Variants in ATRNL1 observed in about 807,000 individuals in gnomAD.
ATRNL1 encodes the protein attractin-like protein 1.
In ATRNL1, 95 loss-of-function variants were observed where a neutral mutation model predicts 182.7. That is an observed-to-expected ratio of 0.52 (90% CI 0.44 to 0.62). ATRNL1 has a LOEUF of 0.62. Among genes scored for constraint, ATRNL1 ranks in the 20% least tolerant of loss-of-function variants. ATRNL1 has a pLI of 0.00. For missense variants in ATRNL1, 1,471 were observed against 1,679.5 expected (o/e 0.88, Z 2.17); for synonymous variants, 576 against 568.3 (o/e 1.01, Z -0.19).
At chr10:115,883,628 A>G (rs1951878019) in intron 28 of ATRNL1, among the ~76,000 whole-genome samples, 1 of 152,254 alleles carries the variant, frequency 6.6e-6, no homozygotes, top group African/African-American at 2.4e-5. Flanking sequence ...CCCAGCCACA[A>G]AAGGGTGTGA....
At position 115,280,712 on chromosome 10, in the gene ATRNL1, C is replaced by T. The variant is rs77827156; in HGVS notation, c.2101-643C>T. Among the ~76,000 whole-genome samples, 1,557 of 152,238 alleles carry T rather than the reference C, an allele frequency of 0.01. 31 individuals are homozygous for T. The East Asian group carries it at 0.11, about 10-fold the overall frequency. On this transcript the variant is annotated intron_variant, in intron 13 of 28. Coordinates refer to ENST00000355044, the MANE Select transcript of ATRNL1 (RefSeq NM_207303.4). Reference sequence around the variant, plus strand: ...GTCTCTTTTGAAAAGACCCAGTCTCCGGGGTGTAGACCATGAAAAGTCTGG... The same window carrying T: ...GTCTCTTTTGAAAAGACCCAGTCTCTGGGGTGTAGACCATGAAAAGTCTGG...
chr10:115,237,956 G>C (rs569870546), intron 9 of ATRNL1, among the ~76,000 whole-genome samples: 17 of 152,254 alleles, frequency 1.1e-4, no homozygotes, highest in African/African-American at 3.9e-4. Flanking sequence ...TTACTACTGT[G>C]ATGCCCTGTT....
At chr10:115,303,349 C>G (rs1204196933) in intron 17 of ATRNL1, among the ~76,000 whole-genome samples, 1 of 151,600 alleles carries the variant, frequency 6.6e-6, no homozygotes, top group African/African-American at 2.4e-5. Flanking sequence ...CTTAGCCTCC[C>G]AAGTAGCTGG....
At chr10:115,169,445 G>A (rs1847197732) in intron 7 of ATRNL1, among the ~76,000 whole-genome samples, 1 of 152,056 alleles carries the variant, frequency 6.6e-6, no homozygotes, top group African/African-American at 2.4e-5. Context: ...CTGACCTCAA[G>A]TGATCCACTC....
intron 26 of ATRNL1, among the ~76,000 whole-genome samples, chr10:115,577,050 G>C (rs1555005455): frequency 6.6e-6 from 1 of 151,582 alleles, no homozygotes; most frequent in African/African-American, 2.4e-5. Flanking sequence ...ATATGTGCTT[G>C]AGTTTATTTC....
At chr10:115,178,097 T>G (rs1847603911) in intron 8 of ATRNL1, among the ~76,000 whole-genome samples, 2 of 151,452 alleles carry the variant, frequency 1.3e-5, no homozygotes, top group Non-Finnish European at 1.5e-5. Flanking sequence ...TTTTGTATTT[T>G]TAGTAGAGAT....
chr10:115,333,487 T>TC (rs1275455033), intron 18 of ATRNL1, among the ~76,000 whole-genome samples: 8 of 148,584 alleles, frequency 5.4e-5, no homozygotes, highest in Admixed American at 4.7e-4. Flanking sequence ...CAAAAGTACT[T>TC]TTTTTTTTTT....
intron 26 of ATRNL1, among the ~76,000 whole-genome samples, chr10:115,576,736 T>C (rs1216024865): frequency 6.6e-6 from 1 of 152,000 alleles, no homozygotes; most frequent in Non-Finnish European, 1.5e-5. Flanking sequence ...TAACTTAATA[T>C]GATATAGTCT....
chr10:115,224,780 A>T (rs1203151016), intron 9 of ATRNL1, among the ~76,000 whole-genome samples: 5 of 152,198 alleles, frequency 3.3e-5, no homozygotes, highest in Non-Finnish European at 5.9e-5. Context: ...GAATTGACAC[A>T]TACATGAACA....
chr10:115,561,564 T>G (rs1390338772), intron 26 of ATRNL1, among the ~76,000 whole-genome samples: 1 of 152,190 alleles, frequency 6.6e-6, no homozygotes, highest in African/African-American at 2.4e-5. Context: ...ATAGGTTATA[T>G]GCCACTATGA....
Position 115,145,783 on chromosome 10 carries a change from C to T in ATRNL1, c.830-14257C>T, listed in dbSNP as rs184036104. On this transcript the variant is annotated intron_variant, in intron 5 of 28. Transcript: ENST00000355044. Reference sequence around the variant, plus strand: ...CCCTCTTGCTCTTAAAATCTTTATTCCCACCATATCTTCCACTTCTTATTA... The same window carrying T: ...CCCTCTTGCTCTTAAAATCTTTATTTCCACCATATCTTCCACTTCTTATTA... Among the ~76,000 whole-genome samples, 32 of 152,234 alleles carry T rather than the reference C, an allele frequency of 2.1e-4. No homozygotes were observed. In the East Asian group the frequency reaches 5.8e-3, roughly 27 times the overall value.
At chr10:115,506,895 A>G (rs1313989949) in intron 24 of ATRNL1, among the ~76,000 whole-genome samples, 1 of 152,100 alleles carries the variant, frequency 6.6e-6, no homozygotes, top group Non-Finnish European at 1.5e-5. Context: ...GACAGGTCTC[A>G]GTTAATTTAG....
At chr10:115,427,745 G>T (rs1194150261) in intron 21 of ATRNL1, among the ~76,000 whole-genome samples, 4 of 151,980 alleles carry the variant, frequency 2.6e-5, no homozygotes, top group Non-Finnish European at 4.4e-5. Context: ...AAATGTGTGG[G>T]TCTGTTTCTG....
intron 24 of ATRNL1, among the ~76,000 whole-genome samples, chr10:115,513,829 C>A (rs1271633017): frequency 6.6e-6 from 1 of 151,882 alleles, no homozygotes; most frequent in Non-Finnish European, 1.5e-5. Flanking sequence ...AATTGTAGTG[C>A]TGACTCTTCT....
intron 27 of ATRNL1, among the ~76,000 whole-genome samples, chr10:115,819,318 A>C (rs1389776670): frequency 6.6e-6 from 1 of 152,234 alleles, no homozygotes; most frequent in East Asian, 1.9e-4. Context: ...TCCCCCCTCC[A>C]GTAATACTTG....
chr10:115,635,449 C>T (rs1356069719), intron 26 of ATRNL1, among the ~76,000 whole-genome samples: 1 of 152,046 alleles, frequency 6.6e-6, no homozygotes, highest in African/African-American at 2.4e-5. Flanking sequence ...TACCATTACA[C>T]ATCTATCAAA....
In ATRNL1 at chr10:115,764,793, C is replaced by T. The variant is rs148816228; in HGVS notation, c.3903+37438C>T. On this transcript the variant is annotated intron_variant, in intron 27 of 28. Coordinates refer to ENST00000355044, the MANE Select transcript of ATRNL1 (RefSeq NM_207303.4). ...ATTCAAGCAATTCTCCCTGCTGCAGCCTCCCAAGTAGCTGGATTACAAGTG... is the reference window on the plus strand; with the variant it reads ...ATTCAAGCAATTCTCCCTGCTGCAGTCTCCCAAGTAGCTGGATTACAAGTG... 3.5e-3 allele frequency among the ~76,000 whole-genome samples: 537 copies of T among 152,212 alleles called. 3 individuals carry two copies. Among genetic ancestry groups the T allele is most frequent in the Middle Eastern group, 0.014 (4 of 294 alleles).
chr10:115,249,103 T>G (rs1189077313), intron 10 of ATRNL1, among the ~76,000 whole-genome samples: 2 of 152,056 alleles, frequency 1.3e-5, no homozygotes, highest in African/African-American at 4.8e-5. Flanking sequence ...TGCCTCAGCC[T>G]CCCAAGTAGC....
chr10:115,495,254 T>C (rs1185760791), intron 24 of ATRNL1, among the ~76,000 whole-genome samples: 2 of 152,176 alleles, frequency 1.3e-5, no homozygotes, highest in African/African-American at 2.4e-5. Context: ...ATGAGTCTTA[T>C]TTATATTTCA....
Sources: gnomAD v4.1 joint callset for allele counts (sites outside exome capture counted in the v4.1 genomes callset) on GRCh38, gnomAD v4.1.1 for gene constraint, MANE v1.5 for transcripts, NCBI Gene and HGNC (gene_info 2026-07-23, HGNC 2026-07-21) for gene names.